MFRP: variants seen among roughly 807,000 people sequenced by gnomAD.
The protein encoded by MFRP is C1q and TNF related 5.
MFRP carries 74 observed loss-of-function variants against 65.8 expected under a neutral mutation model. That is an observed-to-expected ratio of 1.12 (90% CI 0.93 to 1.36). The LOEUF (loss-of-function observed/expected upper bound fraction) is 1.36, where lower values mean the gene tolerates loss of function less well. MFRP is among the 40% of genes most tolerant of loss of function. The probability of loss-of-function intolerance (pLI) is 0.00; values close to 1 mark genes in which losing one functional copy is unlikely to be tolerated. For synonymous variants in MFRP, 336 were observed against 288.3 expected (o/e 1.17, Z -1.68); for missense variants, 838 against 736.0 (o/e 1.14, Z -1.60).
Position 119,345,011 on chromosome 11 carries a change from G to A in MFRP, c.642-7C>T. ...AGGCACCCTTCCACAAACCCTGCAA[G>A]AAGCCAGGTTGGGGGTGAGGGAGGC... On this transcript the variant is annotated splice_region_variant and splice_polypyrimidine_tract_variant and intron_variant, in intron 5 of 14. Transcript: ENST00000619721. 1 of 1,601,968 alleles carries A rather than the reference G, an allele frequency of 6.2e-7. No individual in the cohort carries two copies. Among genetic ancestry groups the A allele is most frequent in the Non-Finnish European group, 8.5e-7 (1 of 1,175,628 alleles).
rs985358609 is a variant in MFRP at position 119,341,964 on chromosome 11, G to A, written c.1408C>T (p.Gln470Ter). The change falls in exon 12 of 15, where the codon CAG becomes TAG. Residue 470 changes from glutamine to a stop codon, truncating the protein, a stop_gained. Transcript: ENST00000619721. LOFTEE classifies it high-confidence loss of function. ...PPPELACEPV[Q>*]VEMCLGLSYN... ...CTCAGACCGAGGCACATCTCCACCT[G>A]GACAGGCTCACAGGCCAGCTCTGCA... 6.8e-6 allele frequency: 11 copies of A among 1,613,732 alleles called. No homozygotes were observed. Among genetic ancestry groups the A allele is most frequent in the African/African-American group, 1.3e-5 (1 of 74,928 alleles).
At chr11:119,342,527 A>C (rs1262390571) in intron 11 of MFRP, 69 bp downstream of exon 11, 1 of 1,590,804 alleles carries the variant, frequency 6.3e-7, no homozygotes, top group Non-Finnish European at 8.6e-7. Flanking sequence ...GACACTGTGC[A>C]GTACGGCAGT....
In MFRP at chr11:119,339,547, G is replaced by C; in HGVS notation, c.*1412C>G. On this transcript the variant is annotated 3_prime_UTR_variant, in exon 15 of 15. Coordinates refer to ENST00000619721, the MANE Select transcript of MFRP (RefSeq NM_031433.4). This position sits in a 1 kb window ranked among gnomAD's most constrained non-coding sequence, Gnocchi z 5.4. Reference sequence around the variant, plus strand: ...ACTGGAAGAAAGAGGCAATGGATTCGCCATTCTTCACCAGATCAAACTGCA... The same window carrying C: ...ACTGGAAGAAAGAGGCAATGGATTCCCCATTCTTCACCAGATCAAACTGCA... 6.2e-7 allele frequency: 1 copy of C among 1,613,606 alleles called. No individual in the cohort carries two copies. The highest frequency in any genetic ancestry group is 8.5e-7 in the Non-Finnish European group (1 of 1,180,032).
At chr11:119,340,034 C>T (rs866424760) in intron 14 of MFRP, 150 bp downstream of exon 14, 49 of 1,247,176 alleles carry the variant, frequency 3.9e-5, no homozygotes, top group Non-Finnish European at 4.5e-5. Context: ...AGGGGGCTCC[C>T]GCCGCCTGGG....
Position 119,341,152 on chromosome 11 carries a change from C to A in MFRP, c.*396G>T. ...GGTGGAGAGTTCTAGAGGCAGACAG[C>A]CAGTTGGATCCCTAGGGCCTAGGAC... On this transcript the variant is annotated 3_prime_UTR_variant, in exon 13 of 15. Transcript: ENST00000619721. 1 of 246,942 alleles carries A rather than the reference C, an allele frequency of 4.0e-6. No homozygotes were observed. The allele number at this position is 246,942 out of a possible 1,614,324, so 15.3% of individuals were successfully genotyped here. A position where few individuals can be genotyped will look rare whatever the true frequency, so the allele number is the denominator to read the frequency against.
chr11:119,344,169 A>G (rs1259704105), intron 8 of MFRP, 146 bp downstream of exon 8: 2 of 963,268 alleles, frequency 2.1e-6, no homozygotes, highest in Non-Finnish European at 1.6e-6. Context: ...CAGGCACTTA[A>G]TAATATTCCC....
At chr11:119,344,232 C>T in intron 8 of MFRP, 83 bp downstream of exon 8, 5 of 1,309,730 alleles carry the variant, frequency 3.8e-6, no homozygotes, top group Admixed American at 1.7e-5. Flanking sequence ...GTAGTGTCTA[C>T]CATGCCATTC....
At chr11:119,345,156 C>G in intron 5 of MFRP, 152 bp from the exon 6 acceptor site, 1 of 1,021,590 alleles carries the variant, frequency 9.8e-7, no homozygotes, top group Non-Finnish European at 1.4e-6. Flanking sequence ...GGAGCTCTGA[C>G]CTTCCTAGCA....
Position 119,342,613 on chromosome 11 carries a change from G to A in MFRP, c.1370C>T (p.Pro457Leu), listed in dbSNP as rs148399243. Residue 457 changes from proline to leucine, a missense_variant, in exon 11 of 15, where the codon CCC (proline) becomes CTC (leucine). By Grantham distance (98) the Pro-to-Leu change is moderately conservative (BLOSUM62 -3). Transcript: ENST00000619721. ...CTTCTCACCTGGGGGTGGGAACAAG[G>A]GGCCGCTGCAGTTGTCATCGCTGCC... ...TDGSDDNCSG[P>L]LFPPPELACE... 9 of 1,613,398 alleles carry A rather than the reference G, an allele frequency of 5.6e-6. No individual in the cohort carries two copies. The highest frequency in any genetic ancestry group is 7.6e-6 in the Non-Finnish European group (9 of 1,179,880).
chr11:119,340,800 T>G lies in MFRP; in HGVS notation c.*748A>C. 1 of 253,884 alleles carries G rather than the reference T, an allele frequency of 3.9e-6. No homozygotes were observed. Among genetic ancestry groups the G allele is most frequent in the Non-Finnish European group, 7.6e-6 (1 of 131,918 alleles). The allele number at this position is 253,884 out of a possible 1,614,324, so 15.7% of individuals were successfully genotyped here. ...CGCTTCTCCCCGGCCAGGCGCCCCC[T>G]GCCCTGCCGTCACCCCAGTCCTGGT... On this transcript the variant is annotated 3_prime_UTR_variant, in exon 13 of 15. Coordinates refer to ENST00000619721, the MANE Select transcript of MFRP (RefSeq NM_031433.4).
intron 4 of MFRP, 69 bp downstream of exon 4, chr11:119,345,704 T>C: frequency 1.9e-6 from 3 of 1,612,386 alleles, no homozygotes; most frequent in Non-Finnish European, 2.5e-6. Flanking sequence ...TGCCTCTTCC[T>C]CACCCTCCCC....
In MFRP at chr11:119,340,006, G is replaced by C. The variant is rs186486226; in HGVS notation, c.*1111-158C>G. On this transcript the variant is annotated intron_variant, in intron 14 of 14. Coordinates refer to ENST00000619721, the MANE Select transcript of MFRP (RefSeq NM_031433.4). ...CTCCTCCACCCCTTCCCGCAGGGCA[G>C]ATCTGGGGGGCTGGCCAAGGGGGCT... is the stretch of plus-strand genomic sequence containing the variant. Among the ~76,000 whole-genome samples the C allele has an allele frequency of 7.0e-3, 1,072 of 152,272 alleles. 15 individuals carry two copies. The highest frequency in any genetic ancestry group is 0.025 in the African/African-American group (1,031 of 41,558).
At chr11:119,345,209 G>T (rs1028546031) in intron 5 of MFRP, among the ~76,000 whole-genome samples, 1 of 152,210 alleles carries the variant, frequency 6.6e-6, no homozygotes, top group African/African-American at 2.4e-5. Flanking sequence ...GGGGAGATAG[G>T]CAGGAGATCC....
In MFRP at chr11:119,339,578, G is replaced by T; in HGVS notation, c.*1381C>A. 6.2e-7 allele frequency: 1 copy of T among 1,613,480 alleles called. No homozygotes were observed. ...CTTCACCAGATCAAACTGCAGGCTGGCCCGGTAGACGGTGGCATGGACGGC... is the reference window on the plus strand; with the variant it reads ...CTTCACCAGATCAAACTGCAGGCTGTCCCGGTAGACGGTGGCATGGACGGC... On this transcript the variant is annotated 3_prime_UTR_variant, in exon 15 of 15. Transcript: ENST00000619721. The surrounding 1 kb of genome is among the most constrained non-coding windows in gnomAD (Gnocchi z 5.4).
rs1419197158 is a variant in MFRP at position 119,341,168 on chromosome 11, G to T, written c.*380C>A. On this transcript the variant is annotated 3_prime_UTR_variant, in exon 13 of 15. Transcript: ENST00000619721. ...GGCAGACAGCCAGTTGGATCCCTAG[G>T]GCCTAGGACAGGGGCCTGCCACATG... 3 of 269,750 alleles carry T rather than the reference G, an allele frequency of 1.1e-5. No individual in the cohort carries two copies. Among genetic ancestry groups the T allele is most frequent in the Non-Finnish European group, 2.2e-5 (3 of 138,470 alleles). 16.7% of individuals were successfully genotyped at this position (269,750 alleles called of 1,614,324 possible).
Position 119,339,220 on chromosome 11 carries a change from T to A in MFRP, c.*1739A>T. 1 of 1,251,398 alleles carries A rather than the reference T, an allele frequency of 8.0e-7. No homozygotes were observed. The highest frequency in any genetic ancestry group is 1.1e-6 in the Non-Finnish European group (1 of 898,732). The allele number at this position is 1,251,398 out of a possible 1,614,324, so 77.5% of individuals were successfully genotyped here. On this transcript the variant is annotated 3_prime_UTR_variant, in exon 15 of 15. Transcript: ENST00000619721. The surrounding 1 kb of genome is among the most constrained non-coding windows in gnomAD (Gnocchi z 5.4). ...AGGACGGAGAGTGCTCTACCCCACC[T>A]CCCTAGTCATTCACAATATTCCAGG...
At position 119,344,898 on chromosome 11, in the gene MFRP, A is replaced by G; in HGVS notation, c.748T>C (p.Tyr250His). The part of the protein sequence containing the change: ...SVEGFGFHAW[Y>H]QAMAPGRGSC... ...CCGCGCCCAGGGGCCATAGCCTGGT[A>G]CCAGGCATGGAAACCAAATCCTTCC... Residue 250 changes from tyrosine to histidine, a missense_variant, in exon 6 of 15, where the codon TAC becomes CAC. Coordinates refer to ENST00000619721, the MANE Select transcript of MFRP (RefSeq NM_031433.4). 6.2e-7 allele frequency: 1 copy of G among 1,612,880 alleles called. No individual in the cohort carries two copies. The highest frequency in any genetic ancestry group is 1.1e-5 in the South Asian group (1 of 90,960).
rs772391512 is a variant in MFRP, at chr11:119,346,369, C to T, written c.60G>A (p.Glu20=). 7.4e-6 allele frequency: 12 copies of T among 1,613,908 alleles called. No individual in the cohort carries two copies. The highest frequency in any genetic ancestry group is 1.0e-5 in the Non-Finnish European group (12 of 1,179,986). ...CAGGCTCGAAGGCAGGATTGCAGAA[C>T]TCGGTCTGGAAGGGGGAGATACTTG... is the stretch of plus-strand genomic sequence containing the variant. ...CMEATESSKT[E]FCNPAFEPES... The change falls in exon 2 of 15, where the codon GAG becomes GAA. Residue 20 remains glutamate, a synonymous_variant. Transcript: ENST00000619721.
Position 119,345,539 on chromosome 11 carries a change from G to A in MFRP, c.522C>T (p.Ile174=), listed in dbSNP as rs756453163. 4.3e-6 allele frequency: 7 copies of A among 1,614,088 alleles called. No homozygotes were observed. Among genetic ancestry groups the A allele is most frequent in the Non-Finnish European group, 5.9e-6 (7 of 1,180,012 alleles). Residue 174 remains isoleucine (I), a synonymous_variant, in exon 5 of 15, where the codon ATC becomes ATT. Transcript: ENST00000619721. ...YPPNTHCVWH[I]QVATDHAIQL... ...GTATTGCATGGTCTGTGGCCACCTGGATATGCCACACGCAGTGGGTGTTGG... is the reference window on the plus strand; with the variant it reads ...GTATTGCATGGTCTGTGGCCACCTGAATATGCCACACGCAGTGGGTGTTGG...
Sources: allele counts gnomAD v4.1 joint callset (sites outside exome capture counted in the v4.1 genomes callset), GRCh38; gene constraint gnomAD v4.1.1; non-coding constraint Gnocchi (gnomAD v3.1); transcripts MANE v1.5; gene names NCBI Gene and HGNC (gene_info 2026-07-23, HGNC 2026-07-21).